The following ZNF251 variants were observed in gnomAD, a reference collection of about 807,000 sequenced individuals.
The protein encoded by ZNF251 is zinc finger protein 251.
Under a neutral mutation model 13.5 loss-of-function variants are expected in ZNF251, and 14 were observed. The ratio of observed to expected loss-of-function variants is 1.04; its 90% CI spans 0.69 to 1.63. The LOEUF (loss-of-function observed/expected upper bound fraction) is 1.63. Among genes scored for constraint, ZNF251 ranks in the 40% most tolerant of loss-of-function variants. The pLI is 0.00. For missense variants in ZNF251, 764 were observed against 834.9 expected, an observed-to-expected ratio of 0.92 and a Z score of 1.05; for synonymous variants, 287 against 295.2, an observed-to-expected ratio of 0.97 and a Z score of 0.28.
rs547416848 is a variant in ZNF251 at position 144,739,949 on chromosome 8, T to C, written c.277+13734A>G. ...TCCCAGTGGGAACAAAGTTTAGCTCTGAATCTTCTCATGTCTTCTTCAGGA... is the reference window on the plus strand; with the variant it reads ...TCCCAGTGGGAACAAAGTTTAGCTCCGAATCTTCTCATGTCTTCTTCAGGA... On this transcript the variant is annotated intron_variant, in intron 4 of 4. Coordinates refer to ENST00000292562, the MANE Select transcript of ZNF251 (RefSeq NM_138367.2). Among the ~76,000 whole-genome samples the C allele has an allele frequency of 4.0e-5, 6 of 151,534 alleles. 1 individual carries two copies. In the South Asian group the frequency reaches 1.0e-3, roughly 26 times the overall value.
At position 144,754,257 on chromosome 8, in the gene ZNF251, C is replaced by A; in HGVS notation, c.98G>T (p.Gly33Val). The A allele has an allele frequency of 8.7e-6, 14 of 1,613,836 alleles. No homozygotes were observed. Among genetic ancestry groups the A allele is most frequent in the Non-Finnish European group, 1.2e-5 (14 of 1,179,898 alleles). The part of the protein sequence containing the change: ...YFSQAEGRQL[G>V]PQQRALYRDV... ...CCGGTAGAGCGCCCGCTGCTGGGGG[C>A]CCAGCTGCCGCCCCTCCGCCTGAGA... Residue 33 changes from glycine (G) to valine (V), a missense_variant, in exon 3 of 5, where the codon GGC becomes GTC. Coordinates refer to ENST00000292562, the MANE Select transcript of ZNF251 (RefSeq NM_138367.2).
intron 4 of ZNF251, among the ~76,000 whole-genome samples, chr8:144,729,265 TTA>T (rs1440644791): frequency 2.6e-5 from 4 of 152,052 alleles, no homozygotes; most frequent in Non-Finnish European, 4.4e-5. Flanking sequence ...AAACAAAATT[TTA>T]TGTCATTTTC....
rs373310177 is a variant in ZNF251 at position 144,754,271 on chromosome 8, C to T, written c.84G>A (p.Glu28=). 1.4e-5 allele frequency: 22 copies of T among 1,613,482 alleles called. No individual in the cohort carries two copies. The African/African-American group carries it at 2.8e-4, about 21-fold the overall frequency. ...QDVAVYFSQA[E]GRQLGPQQRA... ...GCTGCTGGGGGCCCAGCTGCCGCCC[C>T]TCCGCCTGAGAGAAGTACACGGCCA... is the stretch of plus-strand genomic sequence containing the variant. Residue 28 remains glutamate (E), a synonymous_variant, in exon 3 of 5, where the codon GAG becomes GAA. Coordinates refer to ENST00000292562, the MANE Select transcript of ZNF251 (RefSeq NM_138367.2).
chr8:144,732,808 T>C (rs1366382883), intron 4 of ZNF251, among the ~76,000 whole-genome samples: 2 of 84,704 alleles, frequency 2.4e-5, no homozygotes, highest in African/African-American at 5.4e-5. Context: ...CGAGACTCCG[T>C]CTCAAAAAAA....
At chr8:144,747,055 T>G (rs1382474933) in intron 4 of ZNF251, among the ~76,000 whole-genome samples, 2 of 152,222 alleles carry the variant, frequency 1.3e-5, no homozygotes, top group Non-Finnish European at 2.9e-5. Context: ...AAAGCTTACA[T>G]TATGATTTTA....
intron 4 of ZNF251, among the ~76,000 whole-genome samples, chr8:144,724,384 G>A (rs1374331969): frequency 2.6e-5 from 4 of 151,766 alleles, no homozygotes; most frequent in Admixed American, 2.0e-4. Context: ...AGGCTGGAGT[G>A]CCACGGTGCA....
rs1823359830 is a variant in ZNF251, at chr8:144,721,011, C to T, written c.*633G>A. The T allele has an allele frequency of 6.6e-6, 1 of 152,472 alleles. No homozygotes were observed. Among genetic ancestry groups the T allele is most frequent in the Non-Finnish European group, 1.5e-5 (1 of 68,230 alleles). 9.4% of individuals were successfully genotyped at this position (152,472 alleles called of 1,614,324 possible). ...ATTACAATTTTCAAAAGTGGAGATA[C>T]TTGGTAGGCCCCTGCTTTCTTGGCC... On this transcript the variant is annotated 3_prime_UTR_variant, in exon 5 of 5. Coordinates refer to ENST00000292562, the MANE Select transcript of ZNF251 (RefSeq NM_138367.2).
intron 4 of ZNF251, among the ~76,000 whole-genome samples, chr8:144,724,896 C>T (rs1823473174): frequency 6.6e-6 from 1 of 152,186 alleles, no homozygotes; most frequent in Non-Finnish European, 1.5e-5. Context: ...CTGTTTAGTA[C>T]AAGTCGGTGA....
chr8:144,731,947 C>CTTTTTTTTTTTTTTTTTTTTTTT (rs1563758169), intron 4 of ZNF251, among the ~76,000 whole-genome samples: 1 of 136,628 alleles, frequency 7.3e-6, no homozygotes, highest in African/African-American at 3.1e-5. Flanking sequence ...CTGACAGCTG[C>CTTTTTTTTTTTTTTTTTTTTTTT]ATTTTTTTTT....
chr8:144,722,256 T>C lies in ZNF251; in HGVS notation c.1404A>G (p.Lys468=). 6.2e-7 allele frequency: 1 copy of C among 1,613,102 alleles called. No individual in the cohort carries two copies. The part of the protein sequence containing the change: ...EKPYQCVECG[K]AFSQSSQLTL... ...TGAGCTGGGAGCTCTGGCTGAAAGCTTTCCCACATTCAACGCACTGGTAGG... is the reference window on the plus strand; with the variant it reads ...TGAGCTGGGAGCTCTGGCTGAAAGCCTTCCCACATTCAACGCACTGGTAGG... Residue 468 remains lysine (K), a synonymous_variant, in exon 5 of 5, where the codon AAA becomes AAG. Coordinates refer to ENST00000292562, the MANE Select transcript of ZNF251 (RefSeq NM_138367.2). The surrounding 1 kb of genome is among the most constrained non-coding windows in gnomAD (Gnocchi z 4.8).
At chr8:144,755,262 C>A (rs1824906674) in intron 1 of ZNF251, 143 bp downstream of exon 1, 1 of 1,197,536 alleles carries the variant, frequency 8.4e-7, no homozygotes, top group Admixed American at 3.5e-5. Context: ...TCGCCTCCTC[C>A]CGGCCTCTGC....
rs749984145 is a variant in ZNF251, at chr8:144,722,491, G to A, written c.1169C>T (p.Ser390Leu). The A allele has an allele frequency of 1.2e-6, 2 of 1,614,000 alleles. No homozygotes were observed. The highest frequency in any genetic ancestry group is 4.5e-5 in the East Asian group (2 of 44,860). The change falls in exon 5 of 5, where the codon TCA becomes TTA. Residue 390 changes from serine to leucine, a missense_variant. Ser to Leu is a moderately radical substitution (Grantham distance 145). Coordinates refer to ENST00000292562, the MANE Select transcript of ZNF251 (RefSeq NM_138367.2). This position sits in a 1 kb window ranked among gnomAD's most constrained non-coding sequence, Gnocchi z 4.8. ...NQCGKAFSQS[S>L]SLFLHHRVHT... ...AACCCGATGATGGAGGAAAAGGCTTGAGCTCTGACTGAAGGCCTTCCCACA... is the reference window on the plus strand; with the variant it reads ...AACCCGATGATGGAGGAAAAGGCTTAAGCTCTGACTGAAGGCCTTCCCACA...
At chr8:144,726,666 C>T (rs549317390) in intron 4 of ZNF251, among the ~76,000 whole-genome samples, 114 of 151,890 alleles carry the variant, frequency 7.5e-4, no homozygotes, top group African/African-American at 2.6e-3. Flanking sequence ...GTCAGGAGAT[C>T]GAGACCATCC....
chr8:144,750,762 C>T (rs138265078), intron 4 of ZNF251, among the ~76,000 whole-genome samples: 148 of 152,192 alleles, frequency 9.7e-4, no homozygotes, highest in African/African-American at 3.3e-3. Context: ...TTAGGCTTAC[C>T]CATCTGGCCA....
Position 144,721,921 on chromosome 8 carries a change from C to T in ZNF251, c.1739G>A (p.Arg580Gln), listed in dbSNP as rs757605919. The T allele has an allele frequency of 9.9e-6, 15 of 1,514,040 alleles. No individual in the cohort carries two copies. The South Asian group carries it at 1.1e-4, about 11-fold the overall frequency. The allele number at this position is 1,514,040 out of a possible 1,614,324, so 93.8% of individuals were successfully genotyped here. Residue 580 changes from arginine to glutamine, a missense_variant, in exon 5 of 5, where the codon CGA becomes CAA. By Grantham distance (43) the Arg-to-Gln change is conservative (BLOSUM62 1). Transcript: ENST00000292562. Reference sequence around the variant, plus strand: ...ATGCATTATCTGATCTTCAGTGGGTCGTGAGGTGGGACTGAAAGCTTTTCC... The same window carrying T: ...ATGCATTATCTGATCTTCAGTGGGTTGTGAGGTGGGACTGAAAGCTTTTCC... Reference protein sequence around the residue: ...EYGKAFSPTSRPTEDQIMHAG... With the variant: ...EYGKAFSPTSQPTEDQIMHAG...
chr8:144,740,639 A>AAAAAAT (rs1232166896), intron 4 of ZNF251, among the ~76,000 whole-genome samples: 1 of 151,502 alleles, frequency 6.6e-6, no homozygotes, highest in Non-Finnish European at 1.5e-5. Flanking sequence ...AAATCTCAAA[A>AAAAAAT]AAAAATAAAA....
rs1426576624 is a variant in ZNF251 at position 144,730,933 on chromosome 8, GGTCGT to G, written c.278-7556_278-7552del. 4.4e-4 allele frequency among the ~76,000 whole-genome samples: 67 copies of G among 152,340 alleles called. 1 individual carries two copies. Among genetic ancestry groups the G allele is most frequent in the Non-Finnish European group, 7.3e-4 (50 of 68,028 alleles). ...TCATGCCATTCAGACACCCAGTGAC[GGTCGT>G]GGGAACCGCCCCCCTCAGAGGAGAC... On this transcript the variant is annotated intron_variant, in intron 4 of 4. Transcript: ENST00000292562.
In ZNF251 at chr8:144,749,686, ACTT is replaced by A. The variant is rs760145109; in HGVS notation, c.277+3994_277+3996del. On this transcript the variant is annotated intron_variant, in intron 4 of 4. Coordinates refer to ENST00000292562, the MANE Select transcript of ZNF251 (RefSeq NM_138367.2). ...TATCCTTTTTTAGCATATCAACTAT[ACTT>A]CTTTTTTAACTTTTTAAATTGGTTT... Among the ~76,000 whole-genome samples, 5 of 152,062 alleles carry A rather than the reference ACTT, an allele frequency of 3.3e-5. No individual in the cohort carries two copies. The East Asian group carries it at 9.7e-4, about 29-fold the overall frequency.
At chr8:144,728,194 T>C (rs1300028104) in intron 4 of ZNF251, among the ~76,000 whole-genome samples, 1 of 152,046 alleles carries the variant, frequency 6.6e-6, no homozygotes, top group Non-Finnish European at 1.5e-5. Context: ...TCAGGGAATA[T>C]GGAGGCCCTA....
Sources: allele counts gnomAD v4.1 joint callset (sites outside exome capture counted in the v4.1 genomes callset), GRCh38; gene constraint gnomAD v4.1.1; non-coding constraint Gnocchi (gnomAD v3.1); transcripts MANE v1.5; gene names NCBI Gene and HGNC (gene_info 2026-07-23, HGNC 2026-07-21).